Variants in EPHA6 observed in about 807,000 individuals in gnomAD.
The protein encoded by EPHA6 is ephrin type-A receptor 6.
A neutral mutation model predicts 112.0 loss-of-function variants in EPHA6; 50 were observed. That is an observed-to-expected ratio of 0.45 (90% CI 0.36 to 0.56). The LOEUF (loss-of-function observed/expected upper bound fraction) is 0.56. Ranked by LOEUF, EPHA6 falls within the 20% of genes least tolerant of loss-of-function variation. The probability of loss-of-function intolerance (pLI) is 0.00; values close to 1 mark genes in which losing one functional copy is unlikely to be tolerated. For missense variants in EPHA6, 1,280 were observed against 1,417.4 expected, an observed-to-expected ratio of 0.90 and a Z score of 1.56; for synonymous variants, 529 against 490.7, an observed-to-expected ratio of 1.08 and a Z score of -1.03.
At chr3:96,941,367 A>G (rs912876846) in intron 2 of EPHA6, among the ~76,000 whole-genome samples, 2 of 152,056 alleles carry the variant, frequency 1.3e-5, no homozygotes, top group African/African-American at 4.8e-5. Context: ...TATCACTGAT[A>G]CCCTTTCTTC....
chr3:97,037,659 T>C (rs17568755), intron 3 of EPHA6, among the ~76,000 whole-genome samples: 25,220 of 151,910 alleles, frequency 0.17, 2,450 homozygotes, highest in Non-Finnish European at 0.22. Flanking sequence ...GTGATATAAT[T>C]TGAAAAGAGG....
chr3:97,517,263 C>T (rs1365063504), intron 10 of EPHA6, among the ~76,000 whole-genome samples: 1 of 151,944 alleles, frequency 6.6e-6, no homozygotes, highest in African/African-American at 2.4e-5. Context: ...CTTATTGAAG[C>T]AGGAGAAAAT....
chr3:97,197,649 G>T (rs1048885414), intron 3 of EPHA6, among the ~76,000 whole-genome samples: 2 of 151,908 alleles, frequency 1.3e-5, no homozygotes, highest in African/African-American at 2.4e-5. Flanking sequence ...GGGGATGGGT[G>T]ACACAAATAC....
In EPHA6 at chr3:96,929,386, G is replaced by A. The variant is rs148682825; in HGVS notation, c.451-57944G>A. Among the ~76,000 whole-genome samples the A allele has an allele frequency of 6.0e-3, 915 of 152,182 alleles. 2 individuals carry two copies. The highest frequency in any genetic ancestry group is 0.017 in the Middle Eastern group (5 of 292). Reference sequence around the variant, plus strand: ...TGGCTGCTAATGGTTTTTCCTTTCCGTATTTAGTGCTTCCTTCAGGAGCCC... The same window carrying A: ...TGGCTGCTAATGGTTTTTCCTTTCCATATTTAGTGCTTCCTTCAGGAGCCC... On this transcript the variant is annotated intron_variant, in intron 2 of 17. Coordinates refer to ENST00000389672, the MANE Select transcript of EPHA6 (RefSeq NM_001080448.3).
At chr3:97,395,324 T>G (rs1238458781) in intron 5 of EPHA6, among the ~76,000 whole-genome samples, 1 of 151,776 alleles carries the variant, frequency 6.6e-6, no homozygotes, top group African/African-American at 2.4e-5. Context: ...TCTTAGGAAC[T>G]ATTGTGATAT....
intron 6 of EPHA6, among the ~76,000 whole-genome samples, chr3:97,445,779 T>TA (rs1214316544): frequency 3.3e-5 from 5 of 151,520 alleles, no homozygotes; most frequent in Non-Finnish European, 5.9e-5. Context: ...AAAGAAATTA[T>TA]AAAAATAAAT....
chr3:97,288,420 T>C (rs1284175590), intron 5 of EPHA6, among the ~76,000 whole-genome samples: 2 of 152,228 alleles, frequency 1.3e-5, no homozygotes, highest in African/African-American at 4.8e-5. Flanking sequence ...ATGATTTGAT[T>C]CTTTTTCATG....
chr3:96,834,447 A>T (rs2034278398), intron 1 of EPHA6, among the ~76,000 whole-genome samples: 1 of 152,000 alleles, frequency 6.6e-6, no homozygotes, highest in Non-Finnish European at 1.5e-5. Flanking sequence ...AAGTATTTTG[A>T]AGGTGTATTG....
chr3:97,194,324 C>G (rs1480015630), intron 3 of EPHA6, among the ~76,000 whole-genome samples: 12 of 151,402 alleles, frequency 7.9e-5, no homozygotes, highest in Admixed American at 3.9e-4. Flanking sequence ...TCTTCTTTTA[C>G]CCACTGGTCA....
chr3:97,671,493 C>CAT (rs1210638338), intron 14 of EPHA6, among the ~76,000 whole-genome samples: 1 of 152,068 alleles, frequency 6.6e-6, no homozygotes, highest in Non-Finnish European at 1.5e-5. Flanking sequence ...TGCAGAGTAG[C>CAT]ATATGAGAGC....
chr3:97,101,922 C>T lies in EPHA6; in HGVS notation c.1114+113929C>T, dbSNP rs559669714. On this transcript the variant is annotated intron_variant, in intron 3 of 17. Transcript: ENST00000389672. ...TTCATTGACAAATATCTTAACTACT[C>T]TAAATTTCAGTTTCCTCCCAAATGA... is the stretch of plus-strand genomic sequence containing the variant. 2.4e-4 allele frequency among the ~76,000 whole-genome samples: 37 copies of T among 152,150 alleles called. 1 individual carries two copies. In the South Asian group the frequency reaches 7.3e-3, roughly 30 times the overall value.
intron 3 of EPHA6, among the ~76,000 whole-genome samples, chr3:97,009,264 C>A (rs1036004517): frequency 6.6e-6 from 1 of 152,176 alleles, no homozygotes; most frequent in African/African-American, 2.4e-5. Flanking sequence ...CCCCTAGGGG[C>A]TAAGGCCCAG....
At chr3:97,391,060 C>T (rs966411059) in intron 5 of EPHA6, among the ~76,000 whole-genome samples, 1 of 152,004 alleles carries the variant, frequency 6.6e-6, no homozygotes, top group Non-Finnish European at 1.5e-5. Flanking sequence ...TGTTCAAACT[C>T]TCACCATTTT....
At chr3:96,874,293 T>G (rs1336141795) in intron 2 of EPHA6, among the ~76,000 whole-genome samples, 1 of 152,130 alleles carries the variant, frequency 6.6e-6, no homozygotes, top group African/African-American at 2.4e-5. Flanking sequence ...TCACAAATGT[T>G]TAGTTAAAAG....
chr3:97,744,144 C>A lies in EPHA6; in HGVS notation c.3129-3279C>A, dbSNP rs560878211. 1.6e-3 allele frequency among the ~76,000 whole-genome samples: 245 copies of A among 152,002 alleles called. 3 individuals carry two copies. The highest frequency in any genetic ancestry group is 6.9e-4 in the Non-Finnish European group (47 of 67,902). On this transcript the variant is annotated intron_variant, in intron 16 of 17. Transcript: ENST00000389672. ...TAACCATAATTTTACCTGAAATATC[C>A]TAATTCTAGCCCCATTCTCATTTTT...
intron 3 of EPHA6, among the ~76,000 whole-genome samples, chr3:97,061,369 C>G (rs1576414888): frequency 6.6e-6 from 1 of 152,186 alleles, no homozygotes; most frequent in Non-Finnish European, 1.5e-5. Flanking sequence ...GAAGGTGTTA[C>G]TGCCAGAGAA....
intron 5 of EPHA6, among the ~76,000 whole-genome samples, chr3:97,363,190 A>G (rs183253718): frequency 6.5e-5 from 1 of 15,360 alleles, no homozygotes; most frequent in Admixed American, 4.5e-4. Context: ...ATATATATAT[A>G]TATATATATA....
At chr3:97,238,945 T>A (rs910513954) in intron 4 of EPHA6, among the ~76,000 whole-genome samples, 2 of 151,932 alleles carry the variant, frequency 1.3e-5, no homozygotes, top group African/African-American at 4.8e-5. Context: ...CGATTTTTTG[T>A]TTGCCTGTTT....
At chr3:97,419,040 C>G (rs1000407004) in intron 6 of EPHA6, among the ~76,000 whole-genome samples, 1 of 152,156 alleles carries the variant, frequency 6.6e-6, no homozygotes, top group African/African-American at 2.4e-5. Flanking sequence ...CACTGTGGCT[C>G]ACGCCTGTAA....
Sources: allele counts gnomAD v4.1 joint callset (sites outside exome capture counted in the v4.1 genomes callset), GRCh38; gene constraint gnomAD v4.1.1; transcripts MANE v1.5; gene names NCBI Gene and HGNC (gene_info 2026-07-23, HGNC 2026-07-21).